LHFPL3: variants seen among roughly 807,000 people sequenced by gnomAD.
The protein encoded by LHFPL3 is LHFPL tetraspan subfamily member 3 protein.
In LHFPL3, 5 loss-of-function variants were observed where a neutral mutation model predicts 19.3. The observed-to-expected ratio is 0.26, with a 90% CI of 0.14 to 0.54. LHFPL3 has a LOEUF of 0.54. Ranked by LOEUF, LHFPL3 falls within the 20% of genes least tolerant of loss-of-function variation. The pLI, the probability that LHFPL3 is intolerant of heterozygous loss-of-function variation, is 0.94. For synonymous variants in LHFPL3, 133 were observed against 126.2 expected, an observed-to-expected ratio of 1.05 and a Z score of -0.36; for missense variants, 249 against 307.4, an observed-to-expected ratio of 0.81 and a Z score of 1.42.
intron 1 of LHFPL3, among the ~76,000 whole-genome samples, chr7:104,570,752 C>G (rs1052442401): frequency 6.6e-6 from 1 of 152,014 alleles, no homozygotes; most frequent in Non-Finnish European, 1.5e-5. Flanking sequence ...ACTCATATCA[C>G]GGGGGTTTGT....
At chr7:104,615,431 T>C (rs1791313504) in intron 1 of LHFPL3, among the ~76,000 whole-genome samples, 1 of 152,224 alleles carries the variant, frequency 6.6e-6, no homozygotes, top group Non-Finnish European at 1.5e-5. Context: ...AGCCTTAGAC[T>C]AGAAAAATAG....
intron 1 of LHFPL3, among the ~76,000 whole-genome samples, chr7:104,353,815 G>A (rs1036633990): frequency 6.6e-6 from 1 of 152,148 alleles, no homozygotes; most frequent in African/African-American, 2.4e-5. Context: ...CTTCAGTGTT[G>A]ATTTTGTTAT....
At chr7:104,577,015 A>G (rs367557462) in intron 1 of LHFPL3, among the ~76,000 whole-genome samples, 15 of 152,220 alleles carry the variant, frequency 9.9e-5, no homozygotes, top group Middle Eastern at 3.4e-3. Flanking sequence ...TTACCTTCCA[A>G]TGACTTTCAC....
chr7:104,680,207 A>T (rs543232687), intron 1 of LHFPL3, among the ~76,000 whole-genome samples: 2 of 152,300 alleles, frequency 1.3e-5, no homozygotes, highest in South Asian at 4.1e-4. Flanking sequence ...CCATGTGGTG[A>T]TGTGGCCACT....
chr7:104,842,870 C>G (rs1057104327), intron 2 of LHFPL3, among the ~76,000 whole-genome samples: 1 of 152,204 alleles, frequency 6.6e-6, no homozygotes, highest in Non-Finnish European at 1.5e-5. Flanking sequence ...ATCTTCTGCT[C>G]TTTTGCCTGT....
intron 2 of LHFPL3, among the ~76,000 whole-genome samples, chr7:104,809,098 T>A (rs1160762103): frequency 6.6e-6 from 1 of 152,142 alleles, no homozygotes; most frequent in African/African-American, 2.4e-5. Context: ...TTTCACCATG[T>A]TGATCAGGCT....
At chr7:104,411,636 C>A (rs2116513840) in intron 1 of LHFPL3, among the ~76,000 whole-genome samples, 1 of 152,168 alleles carries the variant, frequency 6.6e-6, no homozygotes, top group South Asian at 2.1e-4. Context: ...AAAATTTGCT[C>A]TTTTCAACCT....
intron 2 of LHFPL3, among the ~76,000 whole-genome samples, chr7:104,765,612 T>TA (rs1381946960): frequency 6.6e-6 from 1 of 152,222 alleles, no homozygotes; most frequent in Non-Finnish European, 1.5e-5. Flanking sequence ...GCACCATCTT[T>TA]AACTAATAGT....
At chr7:104,853,018 T>C (rs1482047184) in intron 2 of LHFPL3, among the ~76,000 whole-genome samples, 1 of 152,218 alleles carries the variant, frequency 6.6e-6, no homozygotes, top group African/African-American at 2.4e-5. Flanking sequence ...GGGAGGATCA[T>C]AGTTGAACGT....
At chr7:104,429,685 G>A (rs374409578) in intron 1 of LHFPL3, among the ~76,000 whole-genome samples, 2 of 152,012 alleles carry the variant, frequency 1.3e-5, no homozygotes, top group East Asian at 1.9e-4. Context: ...CTATAGCAGT[G>A]CAACTCAGGC....
intron 1 of LHFPL3, among the ~76,000 whole-genome samples, chr7:104,661,148 A>G (rs1227195818): frequency 2.6e-5 from 4 of 152,216 alleles, no homozygotes; most frequent in Non-Finnish European, 5.9e-5. Context: ...CCCAGAGCAC[A>G]GTGAACATCA....
At chr7:104,589,454 G>C (rs937837959) in intron 1 of LHFPL3, among the ~76,000 whole-genome samples, 2 of 152,204 alleles carry the variant, frequency 1.3e-5, no homozygotes, top group African/African-American at 2.4e-5. Flanking sequence ...GCATCCCAGT[G>C]ATGAAACCAA....
At chr7:104,779,406 G>A (rs1246038240) in intron 2 of LHFPL3, among the ~76,000 whole-genome samples, 1 of 152,166 alleles carries the variant, frequency 6.6e-6, no homozygotes, top group African/African-American at 2.4e-5. Context: ...ATATAGTTTG[G>A]ATAACTGGAG....
intron 1 of LHFPL3, among the ~76,000 whole-genome samples, chr7:104,367,434 ATGT>A (rs1790515443): frequency 6.6e-6 from 1 of 152,168 alleles, no homozygotes; most frequent in South Asian, 2.1e-4. Context: ...GAGAATTGTT[ATGT>A]TGTTGTACTC....
intron 1 of LHFPL3, among the ~76,000 whole-genome samples, chr7:104,710,346 A>C (rs1012185361): frequency 1.3e-5 from 2 of 152,052 alleles, no homozygotes; most frequent in Admixed American, 6.5e-5. Context: ...ATTTTTTCTG[A>C]CCTGCTTTGA....
chr7:104,824,580 A>G (rs1241638536), intron 2 of LHFPL3, among the ~76,000 whole-genome samples: 2 of 76,370 alleles, frequency 2.6e-5, no homozygotes, highest in African/African-American at 5.4e-5. Flanking sequence ...TATTTTATAT[A>G]TAATATATAT....
At chr7:104,476,431 C>T (rs370045778) in intron 1 of LHFPL3, among the ~76,000 whole-genome samples, 1 of 151,308 alleles carries the variant, frequency 6.6e-6, no homozygotes, top group East Asian at 1.9e-4. Context: ...TCCAAGAAAT[C>T]AATGCTCTTT....
intron 1 of LHFPL3, among the ~76,000 whole-genome samples, chr7:104,430,921 C>G: frequency 6.6e-6 from 1 of 151,986 alleles, no homozygotes. Flanking sequence ...CCCCTTTATC[C>G]TAATTTGCAA....
intron 1 of LHFPL3, among the ~76,000 whole-genome samples, chr7:104,557,622 G>T (rs1789874038): frequency 2.0e-5 from 3 of 152,138 alleles, no homozygotes; most frequent in African/African-American, 7.2e-5. Context: ...TTTCACCATG[G>T]AAGAATACAG....
Sources: allele counts gnomAD v4.1 joint callset (sites outside exome capture counted in the v4.1 genomes callset), GRCh38; gene constraint gnomAD v4.1.1; transcripts MANE v1.5; gene names NCBI Gene and HGNC (gene_info 2026-07-23, HGNC 2026-07-21).